The following PPP2R2A variants were observed in gnomAD, a reference collection of about 807,000 sequenced individuals.
The protein encoded by PPP2R2A is protein phosphatase 2 regulatory subunit Balpha.
PPP2R2A carries 9 observed loss-of-function variants against 53.2 expected under a neutral mutation model. That is an observed-to-expected ratio of 0.17 (90% CI 0.10 to 0.30). The LOEUF (loss-of-function observed/expected upper bound fraction) is 0.30, where lower values mean the gene tolerates loss of function less well. Ranked by LOEUF, PPP2R2A falls within the 10% of genes least tolerant of loss-of-function variation. The probability of loss-of-function intolerance (pLI) is 1.00; values close to 1 mark genes in which losing one functional copy is unlikely to be tolerated. For synonymous variants in PPP2R2A, 169 were observed against 174.2 expected (o/e 0.97, Z 0.23); for missense variants, 235 against 534.6 (o/e 0.44, Z 5.53).
chr8:26,367,675 C>T (rs1013269940), intron 9 of PPP2R2A, among the ~76,000 whole-genome samples: 1 of 152,226 alleles, frequency 6.6e-6, no homozygotes, highest in African/African-American at 2.4e-5. Context: ...TCCATTTACG[C>T]CAGATGTGAT....
In PPP2R2A at chr8:26,323,712, T is replaced by C. The variant is rs563432823; in HGVS notation, c.83-15178T>C. Among the ~76,000 whole-genome samples the C allele has an allele frequency of 4.6e-5, 7 of 152,170 alleles. No individual in the cohort carries two copies. In the East Asian group the frequency reaches 1.2e-3, roughly 25 times the overall value. ...TGCAGGAGCTTCTATCCCCGTGGAG[T>C]TGGAGTGCGCCACCTACGCAGCTCC... On this transcript the variant is annotated intron_variant, in intron 2 of 9. Transcript: ENST00000380737.
At position 26,314,767 on chromosome 8, in the gene PPP2R2A, A is replaced by G. The variant is rs1802456547; in HGVS notation, c.82+21027A>G. 7.3e-5 allele frequency among the ~76,000 whole-genome samples: 11 copies of G among 151,202 alleles called. No homozygotes were observed. The South Asian group carries it at 2.3e-3, about 32-fold the overall frequency. On this transcript the variant is annotated intron_variant, in intron 2 of 9. Coordinates refer to ENST00000380737, the MANE Select transcript of PPP2R2A (RefSeq NM_002717.4). ...TTTTTCATTAATTGGACTCGTACTC[A>G]TTGGACCCTTGCAGCTTGTAGATTC...
At chr8:26,330,665 T>C (rs572031416) in intron 2 of PPP2R2A, among the ~76,000 whole-genome samples, 1 of 152,182 alleles carries the variant, frequency 6.6e-6, no homozygotes, top group African/African-American at 2.4e-5. Context: ...AAAAGCTGTT[T>C]TTGGTCCGTG....
chr8:26,332,848 C>A (rs1803456584), intron 2 of PPP2R2A, among the ~76,000 whole-genome samples: 1 of 152,208 alleles, frequency 6.6e-6, no homozygotes, highest in African/African-American at 2.4e-5. Flanking sequence ...AATACTTACA[C>A]ATTATCCCTT....
In PPP2R2A at chr8:26,360,772, A is replaced by G; in HGVS notation, c.460-202A>G. On this transcript the variant is annotated intron_variant, in intron 5 of 9. Coordinates refer to ENST00000380737, the MANE Select transcript of PPP2R2A (RefSeq NM_002717.4). This position sits in a 1 kb window ranked among gnomAD's most constrained non-coding sequence, Gnocchi z 4.5. ...AATTCTAATAGTATTGCAACCAGTA[A>G]AAGAAGATATATTATCCACATTGTT... 1 of 509,588 alleles carries G rather than the reference A, an allele frequency of 2.0e-6. No homozygotes were observed. Among genetic ancestry groups the G allele is most frequent in the Admixed American group, 4.0e-5 (1 of 24,722 alleles). 31.6% of individuals were successfully genotyped at this position (509,588 alleles called of 1,614,324 possible).
At chr8:26,346,769 G>A (rs1804241047) in intron 3 of PPP2R2A, among the ~76,000 whole-genome samples, 1 of 152,164 alleles carries the variant, frequency 6.6e-6, no homozygotes. Context: ...TTACAAAGGG[G>A]AATTTTCTAG....
intron 2 of PPP2R2A, among the ~76,000 whole-genome samples, chr8:26,308,115 A>G (rs562039080): frequency 6.6e-6 from 1 of 152,388 alleles, no homozygotes; most frequent in South Asian, 2.1e-4. Context: ...CTGAAACAAC[A>G]GTGTACATGA....
chr8:26,341,722 T>C (rs1377094120), intron 3 of PPP2R2A, among the ~76,000 whole-genome samples: 2 of 152,234 alleles, frequency 1.3e-5, no homozygotes, highest in Non-Finnish European at 2.9e-5. Flanking sequence ...TGATCTATTG[T>C]GGCTTTATTC....
chr8:26,324,774 G>A (rs1422112327), intron 2 of PPP2R2A, among the ~76,000 whole-genome samples: 1 of 152,066 alleles, frequency 6.6e-6, no homozygotes, highest in Non-Finnish European at 1.5e-5. Flanking sequence ...CAGGGAGGCT[G>A]TACCCTGCAA....
intron 2 of PPP2R2A, among the ~76,000 whole-genome samples, chr8:26,328,617 T>C (rs930868549): frequency 1.3e-5 from 2 of 152,224 alleles, no homozygotes; most frequent in Non-Finnish European, 2.9e-5. Context: ...ATTTATTTTA[T>C]ACAAACAGGA....
chr8:26,323,918 A>G (rs556332647), intron 2 of PPP2R2A, among the ~76,000 whole-genome samples: 10 of 152,296 alleles, frequency 6.6e-5, no homozygotes, highest in African/African-American at 2.4e-4. Context: ...TAACATAGGA[A>G]CCATTTCTTC....
At position 26,338,722 on chromosome 8, in the gene PPP2R2A, ATATT is replaced by A. The variant is rs1253713054; in HGVS notation, c.83-164_83-161del. On this transcript the variant is annotated intron_variant, in intron 2 of 9. Transcript: ENST00000380737. This position sits in a 1 kb window ranked among gnomAD's most constrained non-coding sequence, Gnocchi z 4.5. Reference sequence around the variant, plus strand: ...GGAGAATTTTTATTAGTGGATCAAAATATTTATGAAAGAACTTTAGATTCATGTT... The same window carrying A: ...GGAGAATTTTTATTAGTGGATCAAAATATGAAAGAACTTTAGATTCATGTT... 6.6e-6 allele frequency among the ~76,000 whole-genome samples: 1 copy of A among 152,212 alleles called. No individual in the cohort carries two copies. The highest frequency in any genetic ancestry group is 2.4e-5 in the African/African-American group (1 of 41,454).
At chr8:26,299,795 A>C (rs949195488) in intron 2 of PPP2R2A, among the ~76,000 whole-genome samples, 1 of 151,126 alleles carries the variant, frequency 6.6e-6, no homozygotes, top group East Asian at 1.9e-4. Flanking sequence ...AGTAGTATGC[A>C]TGTTAGATTT....
intron 9 of PPP2R2A, among the ~76,000 whole-genome samples, chr8:26,367,003 A>G (rs1341194334): frequency 2.6e-4 from 39 of 152,090 alleles, no homozygotes; most frequent in Non-Finnish European, 1.0e-4. Context: ...TTAGTTGTCT[A>G]TTTGCCACTA....
chr8:26,304,745 AC>A (rs1801935876), intron 2 of PPP2R2A, among the ~76,000 whole-genome samples: 1 of 152,188 alleles, frequency 6.6e-6, no homozygotes, highest in South Asian at 2.1e-4. Context: ...AATAGTTCTG[AC>A]CAAATTTCTT....
At chr8:26,344,881 T>C (rs1378283366) in intron 3 of PPP2R2A, among the ~76,000 whole-genome samples, 1 of 152,190 alleles carries the variant, frequency 6.6e-6, no homozygotes, top group African/African-American at 2.4e-5. Flanking sequence ...TGTTTCAAAT[T>C]TCAGATGTTT....
At chr8:26,369,278 G>C (rs999980943) in intron 9 of PPP2R2A, among the ~76,000 whole-genome samples, 5 of 152,068 alleles carry the variant, frequency 3.3e-5, no homozygotes, top group African/African-American at 1.2e-4. Flanking sequence ...CCAGGCTGGA[G>C]TGCAGTGGCA....
intron 2 of PPP2R2A, among the ~76,000 whole-genome samples, chr8:26,315,435 A>G (rs556201480): frequency 6.6e-6 from 1 of 152,318 alleles, no homozygotes; most frequent in South Asian, 2.1e-4. Context: ...CGAGCAACTC[A>G]TGGATTACTA....
At chr8:26,314,874 CT>C (rs1246907942) in intron 2 of PPP2R2A, among the ~76,000 whole-genome samples, 1,945 of 96,314 alleles carry the variant, frequency 0.02, 18 homozygotes, top group Middle Eastern at 0.032. Context: ...TACTGGTCCT[CT>C]TTTTTTTTCC....
Sources: allele counts gnomAD v4.1 joint callset (sites outside exome capture counted in the v4.1 genomes callset), GRCh38; gene constraint gnomAD v4.1.1; non-coding constraint Gnocchi (gnomAD v3.1); transcripts MANE v1.5; gene names NCBI Gene and HGNC (gene_info 2026-07-23, HGNC 2026-07-21).